SOX6: variants seen among roughly 807,000 people sequenced by gnomAD.
SOX6 encodes the protein SRY-box transcription factor 6.
Under a neutral mutation model 97.8 loss-of-function variants are expected in SOX6, and 11 were observed. That is an observed-to-expected ratio of 0.11 (90% CI 0.07 to 0.19). SOX6 has a LOEUF of 0.19. Among genes scored for constraint, SOX6 ranks in the 10% least tolerant of loss-of-function variants. SOX6 has a pLI of 1.00. For missense variants in SOX6, 810 were observed against 1,039.5 expected (o/e 0.78, Z 3.04); for synonymous variants, 360 against 371.4 (o/e 0.97, Z 0.35).
intron 2 of SOX6, among the ~76,000 whole-genome samples, chr11:16,730,029 A>AATATATATATATATATATATAT (rs34591978): frequency 9.8e-5 from 14 of 142,620 alleles, no homozygotes; most frequent in African/African-American, 3.4e-4. Flanking sequence ...AACTATCCTA[A>AATATATATATATATATATATAT]ATATATATAT....
intron 3 of SOX6, among the ~76,000 whole-genome samples, chr11:16,301,149 T>C (rs1322491075): frequency 2.6e-5 from 4 of 152,184 alleles, no homozygotes; most frequent in Admixed American, 6.5e-5. Flanking sequence ...AACAAACTTA[T>C]ATGAAATAAG....
intron 3 of SOX6, among the ~76,000 whole-genome samples, chr11:16,697,447 A>G (rs1848062299): frequency 1.3e-5 from 2 of 152,184 alleles, no homozygotes; most frequent in African/African-American, 4.8e-5. Context: ...CAGCCTGGCC[A>G]ACATGGCAAA....
chr11:16,209,281 C>T (rs553336995), intron 4 of SOX6, among the ~76,000 whole-genome samples: 6 of 152,100 alleles, frequency 3.9e-5, no homozygotes, highest in South Asian at 2.1e-4. Flanking sequence ...GAAAGCTTTT[C>T]GGGGGTCTTC....
chr11:16,562,752 TAGTGG>T (rs1371427060), intron 4 of SOX6, among the ~76,000 whole-genome samples: 1 of 152,110 alleles, frequency 6.6e-6, no homozygotes, highest in Non-Finnish European at 1.5e-5. Flanking sequence ...AAGGAATGCC[TAGTGG>T]AGAGTCAAAA....
intron 1 of SOX6, among the ~76,000 whole-genome samples, chr11:16,469,880 C>A (rs553851181): frequency 6.6e-6 from 1 of 151,932 alleles, no homozygotes; most frequent in Non-Finnish European, 1.5e-5. Flanking sequence ...AAAAATAGGC[C>A]AGGCTGTCCT....
chr11:16,016,288 T>A (rs931837621), intron 12 of SOX6, among the ~76,000 whole-genome samples: 2 of 152,100 alleles, frequency 1.3e-5, no homozygotes, highest in African/African-American at 4.8e-5. Flanking sequence ...GTGCAGGAAG[T>A]CTTCCAGTTC....
intron 3 of SOX6, among the ~76,000 whole-genome samples, chr11:16,240,660 A>G (rs889545114): frequency 6.6e-6 from 1 of 152,048 alleles, no homozygotes; most frequent in African/African-American, 2.4e-5. Flanking sequence ...AATTTCCTTC[A>G]AAGCACAACT....
chr11:16,445,313 ACTGTT>A (rs955586481), intron 1 of SOX6, among the ~76,000 whole-genome samples: 3 of 152,184 alleles, frequency 2.0e-5, no homozygotes, highest in African/African-American at 7.2e-5. Context: ...AATAACAATT[ACTGTT>A]CTCCTTCATC....
At chr11:16,103,176 A>G (rs932891829) in intron 7 of SOX6, among the ~76,000 whole-genome samples, 1 of 151,568 alleles carries the variant, frequency 6.6e-6, no homozygotes, top group Non-Finnish European at 1.5e-5. Flanking sequence ...AAATCGCAAG[A>G]AAAAAAACAA....
chr11:16,355,033 C>T (rs1014865134), intron 1 of SOX6, among the ~76,000 whole-genome samples: 10 of 152,142 alleles, frequency 6.6e-5, no homozygotes, highest in Non-Finnish European at 1.3e-4. Context: ...AGAAAATCAA[C>T]TTGAGGAGTC....
At chr11:16,615,589 G>A (rs575084691) in intron 3 of SOX6, among the ~76,000 whole-genome samples, 1 of 152,192 alleles carries the variant, frequency 6.6e-6, no homozygotes, top group South Asian at 2.1e-4. Flanking sequence ...ATATTGAATG[G>A]CAAAATATAA....
Position 16,353,557 on chromosome 11 carries a change from C to A in SOX6, c.-5+2537G>T, listed in dbSNP as rs530142001. Among the ~76,000 whole-genome samples, 3 of 152,110 alleles carry A rather than the reference C, an allele frequency of 2.0e-5. No homozygotes were observed. The South Asian group carries it at 6.2e-4, about 32-fold the overall frequency. On this transcript the variant is annotated intron_variant, in intron 1 of 15. Coordinates refer to ENST00000683767, the MANE Select transcript of SOX6 (RefSeq NM_001367873.1). ...TAAAGTGCTGCTATCTTGTATTTCT[C>A]CCTCTGTACTTCCACCACCTCCTCC... is the stretch of plus-strand genomic sequence containing the variant.
chr11:16,526,725 T>C (rs988077807), intron 4 of SOX6, among the ~76,000 whole-genome samples: 19 of 152,102 alleles, frequency 1.2e-4, no homozygotes, highest in African/African-American at 4.6e-4. Flanking sequence ...TATCTAAATA[T>C]TAATCCAGCC....
Position 16,194,826 on chromosome 11 carries a change from C to A in SOX6, c.536-7871G>T, listed in dbSNP as rs534869146. Among the ~76,000 whole-genome samples the A allele has an allele frequency of 4.6e-5, 7 of 152,314 alleles. No individual in the cohort carries two copies. In the East Asian group the frequency reaches 1.4e-3, roughly 29 times the overall value. On this transcript the variant is annotated intron_variant, in intron 4 of 15. Transcript: ENST00000683767. ...CCCAACCTCACAGCTGGGCTTTTAG[C>A]CCATTGTGCTTTATAAGCCCATCCT...
At chr11:16,428,188 G>A (rs1418903624) in intron 1 of SOX6, among the ~76,000 whole-genome samples, 1 of 151,916 alleles carries the variant, frequency 6.6e-6, no homozygotes, top group Non-Finnish European at 1.5e-5. Context: ...TTTTTTTCTT[G>A]TAAATTTGTT....
At chr11:16,725,822 A>G (rs912016387) in intron 2 of SOX6, among the ~76,000 whole-genome samples, 3 of 152,236 alleles carry the variant, frequency 2.0e-5, no homozygotes, top group Admixed American at 6.5e-5. Context: ...TAGATGTTAT[A>G]GTATTACTAA....
At chr11:16,512,091 A>G (rs968428299) in intron 4 of SOX6, among the ~76,000 whole-genome samples, 1 of 152,146 alleles carries the variant, frequency 6.6e-6, no homozygotes, top group African/African-American at 2.4e-5. Flanking sequence ...CCTAAGGACA[A>G]TAGAAACCAA....
chr11:16,466,477 G>T (rs937461324), intron 1 of SOX6, among the ~76,000 whole-genome samples: 6 of 152,082 alleles, frequency 3.9e-5, no homozygotes, highest in Non-Finnish European at 5.9e-5. Context: ...ATTGACAAAT[G>T]TGATCTAATT....
At chr11:16,674,261 A>G (rs1243502945) in intron 3 of SOX6, among the ~76,000 whole-genome samples, 1 of 151,798 alleles carries the variant, frequency 6.6e-6, no homozygotes, top group Non-Finnish European at 1.5e-5. Flanking sequence ...GGATCTCTCA[A>G]CATACTCAAA....
Sources: gnomAD v4.1 joint callset for allele counts (sites outside exome capture counted in the v4.1 genomes callset) on GRCh38, gnomAD v4.1.1 for gene constraint, MANE v1.5 for transcripts, NCBI Gene and HGNC (gene_info 2026-07-23, HGNC 2026-07-21) for gene names.